Variants in KLF12 observed in about 807,000 individuals in gnomAD.
KLF12 encodes the protein Krueppel-like factor 12.
Under a neutral mutation model 37.8 loss-of-function variants are expected in KLF12, and 9 were observed. The observed-to-expected ratio is 0.24, with a 90% CI of 0.14 to 0.42. The LOEUF (loss-of-function observed/expected upper bound fraction) is 0.42, where lower values mean the gene tolerates loss of function less well. Ranked by LOEUF, KLF12 falls within the 10% of genes least tolerant of loss-of-function variation. KLF12 has a pLI of 1.00. For missense variants in KLF12, 411 were observed against 516.0 expected (o/e 0.80, Z 1.97); for synonymous variants, 208 against 202.1 (o/e 1.03, Z -0.25).
the KLF12 span, among the ~76,000 whole-genome samples, chr13:74,164,253 T>C: frequency 6.6e-6 from 1 of 152,178 alleles, no homozygotes; most frequent in South Asian, 2.1e-4. Context: ...TTTTTTTGCT[T>C]TTTAAGAAGC....
chr13:73,705,499 C>T (rs1874868747), intron 7 of KLF12, among the ~76,000 whole-genome samples: 2 of 152,172 alleles, frequency 1.3e-5, no homozygotes, highest in African/African-American at 4.8e-5. Context: ...TCTAGAAGTC[C>T]TGACCTCAGA....
At chr13:73,976,385 T>C (rs1314073415) in intron 2 of KLF12, among the ~76,000 whole-genome samples, 1 of 152,158 alleles carries the variant, frequency 6.6e-6, no homozygotes, top group African/African-American at 2.4e-5. Flanking sequence ...TGAAGTTTCA[T>C]CATCCTCACA....
At chr13:73,964,287 A>G (rs755651712) in intron 2 of KLF12, among the ~76,000 whole-genome samples, 1 of 152,164 alleles carries the variant, frequency 6.6e-6, no homozygotes, top group Admixed American at 6.5e-5. Context: ...AAATATTAAT[A>G]AGTAGGTCCA....
the KLF12 span, among the ~76,000 whole-genome samples, chr13:74,205,436 G>A: frequency 6.6e-6 from 1 of 152,110 alleles, no homozygotes; most frequent in Non-Finnish European, 1.5e-5. Flanking sequence ...TGAGGTTTGG[G>A]AGAGGCTCCT....
At chr13:73,992,039 T>C (rs975800030) in intron 2 of KLF12, among the ~76,000 whole-genome samples, 1 of 152,084 alleles carries the variant, frequency 6.6e-6, no homozygotes, top group Non-Finnish European at 1.5e-5. Context: ...GTTAGGCAGC[T>C]GTTCATCAGA....
intron 6 of KLF12, among the ~76,000 whole-genome samples, chr13:73,756,570 G>A (rs980136022): frequency 6.6e-6 from 1 of 152,196 alleles, no homozygotes; most frequent in Non-Finnish European, 1.5e-5. Context: ...TATGGAAAGC[G>A]TTAAAGCTTG....
In KLF12 at chr13:73,693,773, C is replaced by A. The variant is rs1873948096; in HGVS notation, c.*1717G>T. ...GGTCTTTGTTGGAGACCTTTTATAT[C>A]TAAGCTATAAAAAATTCTAGCAACA... On this transcript the variant is annotated 3_prime_UTR_variant, in exon 8 of 8. Transcript: ENST00000377669. 3 of 152,632 alleles carry A rather than the reference C, an allele frequency of 2.0e-5. No individual in the cohort carries two copies. The highest frequency in any genetic ancestry group is 3.4e-3 in the Middle Eastern group (1 of 294). 9.5% of individuals were successfully genotyped at this position (152,632 alleles called of 1,614,324 possible).
chr13:73,956,071 A>G (rs889113732), intron 2 of KLF12, among the ~76,000 whole-genome samples: 8 of 152,198 alleles, frequency 5.3e-5, no homozygotes, highest in African/African-American at 1.7e-4. Context: ...AAAACGTACC[A>G]CAATAAAGTC....
intron 1 of KLF12, among the ~76,000 whole-genome samples, chr13:74,063,705 A>T (rs1873743833): frequency 2.0e-5 from 3 of 152,098 alleles, no homozygotes; most frequent in South Asian, 2.1e-4. Flanking sequence ...TAGATTTGAA[A>T]TTTTTTTTAC....
At chr13:74,222,462 A>C in the KLF12 span, among the ~76,000 whole-genome samples, 1 of 152,206 alleles carries the variant, frequency 6.6e-6, no homozygotes, top group African/African-American at 2.4e-5. Flanking sequence ...TGATCTAGTC[A>C]TCAGGGCCTA....
At chr13:74,096,875 TTATAATC>T in intron 1 of KLF12, among the ~76,000 whole-genome samples, 1 of 152,300 alleles carries the variant, frequency 6.6e-6, no homozygotes, top group East Asian at 1.9e-4. Context: ...GGAAAACAGT[TTATAATC>T]TAGTTTATTA....
At chr13:74,150,717 T>C in the KLF12 span, among the ~76,000 whole-genome samples, 2 of 152,180 alleles carry the variant, frequency 1.3e-5, no homozygotes, top group Non-Finnish European at 1.5e-5. Flanking sequence ...TAAGGGTGAC[T>C]TGAACACAAG....
intron 1 of KLF12, among the ~76,000 whole-genome samples, chr13:74,014,359 T>C (rs1892634733): frequency 6.6e-6 from 1 of 152,218 alleles, no homozygotes; most frequent in South Asian, 2.1e-4. Context: ...GAATAAAACA[T>C]TAAAACAGCC....
intron 1 of KLF12, among the ~76,000 whole-genome samples, chr13:74,007,769 G>C (rs955469994): frequency 2.0e-5 from 3 of 151,830 alleles, no homozygotes; most frequent in African/African-American, 7.3e-5. Context: ...TATCATCACT[G>C]ATTTTCGTAT....
chr13:73,732,127 A>G (rs1156245786), intron 6 of KLF12, among the ~76,000 whole-genome samples: 15 of 146,178 alleles, frequency 1.0e-4, no homozygotes, highest in Admixed American at 9.7e-4. Context: ...CTTGTTGCCC[A>G]GGTTGGAGTG....
chr13:74,087,097 G>C (rs1875353520), intron 1 of KLF12, among the ~76,000 whole-genome samples: 1 of 152,126 alleles, frequency 6.6e-6, no homozygotes, highest in Admixed American at 6.5e-5. Context: ...GGAACATTTT[G>C]TTTATGTGCC....
chr13:73,915,820 C>T (rs1479975949), intron 3 of KLF12, among the ~76,000 whole-genome samples: 1 of 151,430 alleles, frequency 6.6e-6, no homozygotes, highest in Non-Finnish European at 1.5e-5. Flanking sequence ...GCGTGAGCCA[C>T]GGCGCCTGGC....
intron 6 of KLF12, among the ~76,000 whole-genome samples, chr13:73,747,692 T>C (rs530512108): frequency 1.7e-4 from 26 of 152,306 alleles, no homozygotes; most frequent in African/African-American, 6.0e-4. Flanking sequence ...ATCCTCATGA[T>C]AACCATGAAA....
At chr13:74,007,869 A>C (rs552565991) in intron 1 of KLF12, among the ~76,000 whole-genome samples, 1 of 151,896 alleles carries the variant, frequency 6.6e-6, no homozygotes, top group African/African-American at 2.4e-5. Context: ...CAATGAGAAC[A>C]AACAACTGGT....
Sources: gnomAD v4.1 joint callset for allele counts (sites outside exome capture counted in the v4.1 genomes callset) on GRCh38, gnomAD v4.1.1 for gene constraint, MANE v1.5 for transcripts, NCBI Gene and HGNC (gene_info 2026-07-23, HGNC 2026-07-21) for gene names.